The following ANKS1B variants were observed in gnomAD, a reference collection of about 807,000 sequenced individuals.
ANKS1B encodes the protein ankyrin repeat and sterile alpha motif domain containing 1B.
In ANKS1B, 36 loss-of-function variants were observed where a neutral mutation model predicts 148.3. The ratio of observed to expected loss-of-function variants is 0.24; its 90% CI spans 0.19 to 0.32. ANKS1B has a LOEUF of 0.32. ANKS1B is among the 10% of genes least tolerant of loss of function. ANKS1B has a pLI of 1.00. For synonymous variants in ANKS1B, 542 were observed against 560.8 expected, an observed-to-expected ratio of 0.97 and a Z score of 0.47; for missense variants, 1,157 against 1,542.6, an observed-to-expected ratio of 0.75 and a Z score of 4.19.
chr12:99,963,866 A>G (rs2095449642), intron 1 of ANKS1B, among the ~76,000 whole-genome samples: 1 of 152,360 alleles, frequency 6.6e-6, no homozygotes, highest in South Asian at 2.1e-4. Context: ...GGAATATCAT[A>G]TAACAAGAAA....
chr12:99,617,681 T>C (rs1274345809), intron 9 of ANKS1B, among the ~76,000 whole-genome samples: 2 of 151,970 alleles, frequency 1.3e-5, no homozygotes, highest in African/African-American at 4.8e-5. Context: ...GACAAATACC[T>C]AATGCATGCA....
chr12:99,130,668 C>T (rs1053213698), intron 15 of ANKS1B, among the ~76,000 whole-genome samples: 17 of 152,160 alleles, frequency 1.1e-4, no homozygotes, highest in African/African-American at 2.9e-4. Flanking sequence ...GTGCTTACTC[C>T]CCACATTTTG....
intron 11 of ANKS1B, among the ~76,000 whole-genome samples, chr12:99,422,664 G>T (rs10860438): frequency 3.3e-5 from 5 of 152,076 alleles, no homozygotes; most frequent in African/African-American, 1.2e-4. Flanking sequence ...ATGTGTTCGG[G>T]ATACAAAAAG....
At chr12:99,760,523 CA>C (rs1325895673) in intron 8 of ANKS1B, among the ~76,000 whole-genome samples, 13 of 151,538 alleles carry the variant, frequency 8.6e-5, no homozygotes, top group African/African-American at 3.1e-4. Context: ...CGTAACATAC[CA>C]AAATCTCTGA....
chr12:98,885,326 C>T (rs1240100019), intron 17 of ANKS1B, among the ~76,000 whole-genome samples: 2 of 152,182 alleles, frequency 1.3e-5, no homozygotes, highest in African/African-American at 4.8e-5. Flanking sequence ...GATTCTGGAA[C>T]AGGCTAAAGA....
intron 17 of ANKS1B, among the ~76,000 whole-genome samples, chr12:98,934,830 C>T (rs1472404157): frequency 1.3e-5 from 2 of 151,414 alleles, no homozygotes; most frequent in Non-Finnish European, 2.9e-5. Context: ...TCAATATATA[C>T]CAACTTTACT....
intron 6 of ANKS1B, among the ~76,000 whole-genome samples, chr12:99,779,145 G>A (rs182649568): frequency 1.3e-5 from 2 of 152,322 alleles, no homozygotes; most frequent in Admixed American, 6.5e-5. Context: ...TTCAAGTGGA[G>A]AAGTATGCAA....
chr12:99,526,382 A>T (rs1186265875), intron 9 of ANKS1B, among the ~76,000 whole-genome samples: 6 of 152,198 alleles, frequency 3.9e-5, no homozygotes, highest in Admixed American at 3.9e-4. Flanking sequence ...ACTATTTCTA[A>T]AACATGGTAC....
chr12:99,526,401 A>T (rs1013224585), intron 9 of ANKS1B, among the ~76,000 whole-genome samples: 17 of 152,192 alleles, frequency 1.1e-4, no homozygotes, highest in Non-Finnish European at 2.1e-4. Flanking sequence ...ACTGTAAAGC[A>T]CCATTTACAG....
At chr12:99,387,293 A>T (rs1212341103) in intron 12 of ANKS1B, among the ~76,000 whole-genome samples, 1 of 152,210 alleles carries the variant, frequency 6.6e-6, no homozygotes, top group African/African-American at 2.4e-5. Context: ...TCATGAGGAC[A>T]GAGCCCTCAT....
At position 98,917,901 on chromosome 12, in the gene ANKS1B, A is replaced by G. The variant is rs2099796534; in HGVS notation, c.2779-85765T>C. 2.0e-5 allele frequency among the ~76,000 whole-genome samples: 3 copies of G among 152,218 alleles called. No homozygotes were observed. In the South Asian group the frequency reaches 6.2e-4, roughly 32 times the overall value. ...TCTTTTGAGAACTCAGTCTTTATACAAACACTTATGGCAGTGCCAGGTACC... is the reference window on the plus strand; with the variant it reads ...TCTTTTGAGAACTCAGTCTTTATACGAACACTTATGGCAGTGCCAGGTACC... On this transcript the variant is annotated intron_variant, in intron 17 of 26. Transcript: ENST00000683438.
intron 17 of ANKS1B, among the ~76,000 whole-genome samples, chr12:98,932,791 G>C (rs2099814868): frequency 6.6e-6 from 1 of 151,846 alleles, no homozygotes; most frequent in Non-Finnish European, 1.5e-5. Context: ...TCTCCTTCAG[G>C]GTTTCACAGA....
chr12:99,497,350 T>G (rs2096614017), intron 10 of ANKS1B, among the ~76,000 whole-genome samples: 1 of 152,188 alleles, frequency 6.6e-6, no homozygotes, highest in African/African-American at 2.4e-5. Context: ...GTTGGTTGAA[T>G]CCATGGATGT....
intron 9 of ANKS1B, among the ~76,000 whole-genome samples, chr12:98,738,526 C>G (rs1321543156): frequency 6.6e-6 from 1 of 152,224 alleles, no homozygotes; most frequent in African/African-American, 2.4e-5. Context: ...ACTCGAGGCA[C>G]TGCCCAACTC....
chr12:99,819,376 T>A (rs2082241901), intron 2 of ANKS1B, among the ~76,000 whole-genome samples: 1 of 151,814 alleles, frequency 6.6e-6, no homozygotes, highest in African/African-American at 2.4e-5. Context: ...AAAGAGCAAC[T>A]TCAGAGACCA....
At chr12:99,898,941 A>G (rs1174838597) in intron 1 of ANKS1B, among the ~76,000 whole-genome samples, 3 of 152,182 alleles carry the variant, frequency 2.0e-5, no homozygotes, top group Non-Finnish European at 4.4e-5. Flanking sequence ...AATAACAGCT[A>G]CCTGGAGATC....
intron 10 of ANKS1B, among the ~76,000 whole-genome samples, chr12:99,504,002 T>G (rs1444457154): frequency 2.6e-5 from 4 of 152,176 alleles, no homozygotes; most frequent in Non-Finnish European, 5.9e-5. Context: ...AGGGATAATA[T>G]TTGTCTTGCT....
chr12:99,003,953 A>G (rs1053549786), intron 17 of ANKS1B, among the ~76,000 whole-genome samples: 3 of 152,228 alleles, frequency 2.0e-5, no homozygotes, highest in African/African-American at 7.2e-5. Context: ...GACTTGGCCA[A>G]TGAGGGGTTA....
At chr12:99,896,026 T>C (rs915984221) in intron 1 of ANKS1B, among the ~76,000 whole-genome samples, 1 of 151,372 alleles carries the variant, frequency 6.6e-6, no homozygotes, top group Non-Finnish European at 1.5e-5. Flanking sequence ...CATAGTGAAA[T>C]GATTACTGTA....
Sources: gnomAD v4.1 joint callset for allele counts (sites outside exome capture counted in the v4.1 genomes callset) on GRCh38, gnomAD v4.1.1 for gene constraint, MANE v1.5 for transcripts, NCBI Gene and HGNC (gene_info 2026-07-23, HGNC 2026-07-21) for gene names.